DLGAP1: variants seen among roughly 807,000 people sequenced by gnomAD.
DLGAP1 encodes the protein disks large-associated protein 1.
A neutral mutation model predicts 90.8 loss-of-function variants in DLGAP1; 11 were observed. That is an observed-to-expected ratio of 0.12 (90% CI 0.08 to 0.20). The LOEUF (loss-of-function observed/expected upper bound fraction) is 0.20, where lower values mean the gene tolerates loss of function less well. Ranked by LOEUF, DLGAP1 falls within the 10% of genes least tolerant of loss-of-function variation. The pLI, the probability that DLGAP1 is intolerant of heterozygous loss-of-function variation, is 1.00. For missense variants in DLGAP1, 1,050 were observed against 1,333.8 expected, an observed-to-expected ratio of 0.79 and a Z score of 3.31; for synonymous variants, 558 against 540.7, an observed-to-expected ratio of 1.03 and a Z score of -0.44.
chr18:3,567,150 G>C (rs60474468), intron 9 of DLGAP1, among the ~76,000 whole-genome samples: 1 of 151,964 alleles, frequency 6.6e-6, no homozygotes, highest in South Asian at 2.1e-4. Context: ...ATAGAAATAA[G>C]GTAAGTTCTC....
chr18:4,123,366 A>G (rs1175041037), intron 2 of DLGAP1, among the ~76,000 whole-genome samples: 1 of 152,070 alleles, frequency 6.6e-6, no homozygotes, highest in Non-Finnish European at 1.5e-5. Context: ...GGGACAATAT[A>G]CACTCTCAGG....
intron 2 of DLGAP1, among the ~76,000 whole-genome samples, chr18:4,044,464 C>T (rs1384741371): frequency 6.6e-6 from 1 of 152,198 alleles, no homozygotes; most frequent in Non-Finnish European, 1.5e-5. Flanking sequence ...AAATCCCGGC[C>T]AGGCATGGTG....
rs539016059 is a variant in DLGAP1 at position 4,362,717 on chromosome 18, C to T, written c.-267+92289G>A. Among the ~76,000 whole-genome samples the T allele has an allele frequency of 3.5e-4, 54 of 152,148 alleles. 1 individual carries two copies. The South Asian group carries it at 0.01, about 29-fold the overall frequency. On this transcript the variant is annotated intron_variant, in intron 1 of 12. Coordinates refer to ENST00000315677, the MANE Select transcript of DLGAP1 (RefSeq NM_004746.4). ...ACCATTGAACTGTAAATGGTAAAAA[C>T]GTTTAAGATAGTAAATTATATGTTA...
At chr18:4,340,460 T>C (rs2081165540) in intron 1 of DLGAP1, among the ~76,000 whole-genome samples, 1 of 152,222 alleles carries the variant, frequency 6.6e-6, no homozygotes, top group East Asian at 1.9e-4. Flanking sequence ...ACTGAAATCA[T>C]GGAAAATGGA....
intron 1 of DLGAP1, among the ~76,000 whole-genome samples, chr18:4,185,783 T>G (rs1200632124): frequency 6.6e-6 from 1 of 152,148 alleles, no homozygotes; most frequent in African/African-American, 2.4e-5. Flanking sequence ...ACGATTTGTA[T>G]TCCATTGGGT....
intron 2 of DLGAP1, among the ~76,000 whole-genome samples, chr18:4,112,330 T>C (rs1239496794): frequency 6.6e-6 from 1 of 152,202 alleles, no homozygotes; most frequent in Non-Finnish European, 1.5e-5. Flanking sequence ...GGCTTGTCTA[T>C]GGACTCCTAT....
intron 3 of DLGAP1, among the ~76,000 whole-genome samples, chr18:3,987,504 C>T (rs1464997019): frequency 6.6e-6 from 1 of 152,186 alleles, no homozygotes; most frequent in East Asian, 1.9e-4. Flanking sequence ...TGGGTCTACT[C>T]GGTACCAGGC....
Position 3,879,723 on chromosome 18 carries a change from C to T in DLGAP1, c.346G>A (p.Asp116Asn), listed in dbSNP as rs771605898. The T allele has an allele frequency of 1.9e-6, 3 of 1,608,822 alleles. No homozygotes were observed. The highest frequency in any genetic ancestry group is 2.5e-6 in the Non-Finnish European group (3 of 1,179,868). ...TTGTACTGCAGGGTGTGATAGCCATCGCGGCTGAGTGGCAGCTGCCGCTCG... is the reference window on the plus strand; with the variant it reads ...TTGTACTGCAGGGTGTGATAGCCATTGCGGCTGAGTGGCAGCTGCCGCTCG... ...QFERQLPLSR[D>N]GYHTLQYKRT... The change falls in exon 4 of 13, where the codon GAT (aspartate) becomes AAT (asparagine). Residue 116 changes from aspartate to asparagine, a missense_variant. By Grantham distance (23) the Asp-to-Asn change is conservative. Around this residue, in one of 2 missense-constraint regions of DLGAP1, gnomAD observed 485 missense variants for 454.1 expected, o/e 1.07. Coordinates refer to ENST00000315677, the MANE Select transcript of DLGAP1 (RefSeq NM_004746.4). The surrounding 1 kb of genome is among the most constrained non-coding windows in gnomAD (Gnocchi z 6.6).
chr18:3,720,114 T>C (rs781417071), intron 7 of DLGAP1, among the ~76,000 whole-genome samples: 6 of 152,310 alleles, frequency 3.9e-5, no homozygotes, highest in Non-Finnish European at 7.4e-5. Context: ...ATGTACCCTT[T>C]TGAAACCACA....
intron 4 of DLGAP1, among the ~76,000 whole-genome samples, chr18:3,822,814 C>G (rs551026332): frequency 6.6e-6 from 1 of 152,134 alleles, no homozygotes; most frequent in Non-Finnish European, 1.5e-5. Context: ...GGGGCACTAA[C>G]TGTGGATAAG....
At chr18:3,987,078 G>T (rs1228962929) in intron 3 of DLGAP1, among the ~76,000 whole-genome samples, 1 of 152,094 alleles carries the variant, frequency 6.6e-6, no homozygotes, top group African/African-American at 2.4e-5. Flanking sequence ...TTATTTTCTG[G>T]AAAACAATCT....
At chr18:4,186,880 A>T (rs1445449656) in intron 1 of DLGAP1, among the ~76,000 whole-genome samples, 4 of 152,084 alleles carry the variant, frequency 2.6e-5, no homozygotes, top group Non-Finnish European at 4.4e-5. Context: ...AATGATATTG[A>T]TTCTTCCTAT....
At chr18:4,437,215 G>C (rs1425290932) in intron 1 of DLGAP1, among the ~76,000 whole-genome samples, 3 of 152,166 alleles carry the variant, frequency 2.0e-5, no homozygotes, top group South Asian at 4.1e-4. Flanking sequence ...CAACTTTAGA[G>C]ATAAGAAAAA....
At chr18:4,235,719 CT>C (rs1175101805) in intron 1 of DLGAP1, among the ~76,000 whole-genome samples, 2,251 of 80,094 alleles carry the variant, frequency 0.028, 9 homozygotes, top group African/African-American at 0.051. Context: ...ATTTCAATGT[CT>C]TTTTTTTTTT....
chr18:3,993,465 T>C (rs1170084704), intron 3 of DLGAP1, among the ~76,000 whole-genome samples: 4 of 152,090 alleles, frequency 2.6e-5, no homozygotes, highest in Admixed American at 6.6e-5. Context: ...AATGAAACCA[T>C]TGAGATTTCC....
At chr18:3,986,843 T>C (rs1321304192) in intron 3 of DLGAP1, among the ~76,000 whole-genome samples, 4 of 152,222 alleles carry the variant, frequency 2.6e-5, no homozygotes, top group Admixed American at 2.6e-4. Context: ...ATCACTTTTA[T>C]ACCAGTTGGT....
At chr18:3,683,941 A>G (rs886658099) in intron 7 of DLGAP1, among the ~76,000 whole-genome samples, 1 of 152,150 alleles carries the variant, frequency 6.6e-6, no homozygotes, top group Non-Finnish European at 1.5e-5. Context: ...AGCAAGTAAT[A>G]TCTCCCTCAC....
intron 7 of DLGAP1, among the ~76,000 whole-genome samples, chr18:3,725,109 A>T (rs1339251356): frequency 6.6e-6 from 1 of 152,188 alleles, no homozygotes; most frequent in Admixed American, 6.5e-5. Context: ...CTGGGAAACC[A>T]CTGCAAATGA....
In DLGAP1 at chr18:3,908,892, T is replaced by C. The variant is rs944870692; in HGVS notation, c.-72-28752A>G. Among the ~76,000 whole-genome samples the C allele has an allele frequency of 3.9e-5, 6 of 152,240 alleles. No individual in the cohort carries two copies. The East Asian group carries it at 7.7e-4, about 20-fold the overall frequency. On this transcript the variant is annotated intron_variant, in intron 3 of 12. Transcript: ENST00000315677. ...GCAAAGGCTTGCATATTTCAGTCTG[T>C]AAAATGCTTACAGCACAGTAATAGG...
Sources: allele counts gnomAD v4.1 joint callset (sites outside exome capture counted in the v4.1 genomes callset), GRCh38; gene constraint gnomAD v4.1.1; regional missense constraint gnomAD v4.1.1; non-coding constraint Gnocchi (gnomAD v3.1); transcripts MANE v1.5; gene names NCBI Gene and HGNC (gene_info 2026-07-23, HGNC 2026-07-21).